Variants in CDC40 observed in about 807,000 individuals in gnomAD.
CDC40 encodes the protein cell division cycle 40.
A neutral mutation model predicts 80.6 loss-of-function variants in CDC40; 27 were observed. That is an observed-to-expected ratio of 0.33 (90% CI 0.25 to 0.46). The LOEUF (loss-of-function observed/expected upper bound fraction) is 0.46. Ranked by LOEUF, CDC40 falls within the 20% of genes least tolerant of loss-of-function variation. The probability of loss-of-function intolerance (pLI) is 1.00; values close to 1 mark genes in which losing one functional copy is unlikely to be tolerated. For synonymous variants in CDC40, 221 were observed against 232.6 expected, an observed-to-expected ratio of 0.95 and a Z score of 0.45; for missense variants, 486 against 694.1, an observed-to-expected ratio of 0.70 and a Z score of 3.37.
At chr6:110,188,145 A>G (rs1001044757) in intron 1 of CDC40, among the ~76,000 whole-genome samples, 7 of 152,340 alleles carry the variant, frequency 4.6e-5, no homozygotes, top group Middle Eastern at 3.4e-3. Flanking sequence ...TTGATGTGTC[A>G]TGATACTCTT....
At chr6:110,197,530 T>C (rs879757791) in intron 2 of CDC40, among the ~76,000 whole-genome samples, 9 of 152,112 alleles carry the variant, frequency 5.9e-5, no homozygotes, top group Admixed American at 1.3e-4. Context: ...TTGAACTTAT[T>C]CCTCCTAATT....
At chr6:110,182,880 A>C (rs1777217421) in intron 1 of CDC40, among the ~76,000 whole-genome samples, 1 of 152,158 alleles carries the variant, frequency 6.6e-6, no homozygotes. Context: ...GTGCACTTAG[A>C]ATGATCTTTG....
intron 14 of CDC40, 132 bp downstream of exon 14, chr6:110,229,108 T>C: frequency 2.4e-6 from 2 of 847,180 alleles, no homozygotes; most frequent in South Asian, 3.7e-5. Context: ...GTCAAAATTG[T>C]CAAAATGCTG....
At position 110,222,624 on chromosome 6, in the gene CDC40, TC is replaced by T. The variant is rs1260681947; in HGVS notation, c.1340+2757del. Reference sequence around the variant, plus strand: ...AGTTTAACCCTTACTATGAGAGCCTTCCTGACCAGCCCACAGATGAGATTAG... The same window carrying T: ...AGTTTAACCCTTACTATGAGAGCCTTCTGACCAGCCCACAGATGAGATTAG... On this transcript the variant is annotated intron_variant, in intron 12 of 14. Transcript: ENST00000307731. 2.0e-5 allele frequency among the ~76,000 whole-genome samples: 3 copies of T among 152,238 alleles called. No individual in the cohort carries two copies. In the South Asian group the frequency reaches 6.2e-4, roughly 32 times the overall value.
At chr6:110,226,005 A>T in intron 12 of CDC40, among the ~76,000 whole-genome samples, 162 bp from the exon 13 acceptor site, 1 of 152,230 alleles carries the variant, frequency 6.6e-6, no homozygotes, top group African/African-American at 2.4e-5. Context: ...GTACAGTGTC[A>T]TCTTGTGATT....
At chr6:110,221,909 C>A (rs75081861) in intron 12 of CDC40, among the ~76,000 whole-genome samples, 303 of 143,266 alleles carry the variant, frequency 2.1e-3, no homozygotes, top group African/African-American at 7.2e-3. Flanking sequence ...TTAGGAAATA[C>A]TCCTAAAAAG....
At chr6:110,181,086 T>C (rs1777181592) in intron 1 of CDC40, among the ~76,000 whole-genome samples, 1 of 152,244 alleles carries the variant, frequency 6.6e-6, no homozygotes, top group Non-Finnish European at 1.5e-5. Flanking sequence ...TCCTCACCTG[T>C]ACAGTGGAGA....
rs774530501 is a variant in CDC40, at chr6:110,228,983, T to G, written c.1562+7T>G. 2.8e-5 allele frequency: 45 copies of G among 1,594,804 alleles called. No homozygotes were observed. Among genetic ancestry groups the G allele is most frequent in the Non-Finnish European group, 3.8e-5 (45 of 1,171,944 alleles). ...ACTTTTCACCAGACATGAGGTAAGT[T>G]TAAATCTTCTAATCCATTCTCGTAT... On this transcript the variant is annotated splice_region_variant and intron_variant, in intron 14 of 14. Transcript: ENST00000307731.
At chr6:110,182,020 G>A (rs962103716) in intron 1 of CDC40, among the ~76,000 whole-genome samples, 12 of 152,072 alleles carry the variant, frequency 7.9e-5, no homozygotes, top group African/African-American at 2.9e-4. Flanking sequence ...TTCAACCTCA[G>A]GCTGTGCTGC....
In CDC40 at chr6:110,218,307, T is replaced by G. The variant is rs1219750266; in HGVS notation, c.1090+504T>G. ...ATTTTATGTAATTATAAAAATTATCTTACTATCTTATTGTCTTACTGTCAT... is the reference window on the plus strand; with the variant it reads ...ATTTTATGTAATTATAAAAATTATCGTACTATCTTATTGTCTTACTGTCAT... On this transcript the variant is annotated intron_variant, in intron 10 of 14. Transcript: ENST00000307731. 2.0e-5 allele frequency among the ~76,000 whole-genome samples: 3 copies of G among 152,240 alleles called. No homozygotes were observed. In the East Asian group the frequency reaches 5.8e-4, roughly 29 times the overall value.
chr6:110,200,054 G>A (rs1777475732), intron 2 of CDC40, among the ~76,000 whole-genome samples: 1 of 152,098 alleles, frequency 6.6e-6, no homozygotes, highest in Non-Finnish European at 1.5e-5. Flanking sequence ...TCACCCATCA[G>A]GAGGCACAGG....
At chr6:110,212,076 G>T in intron 6 of CDC40, 57 bp from the exon 7 acceptor site, 1 of 1,439,748 alleles carries the variant, frequency 6.9e-7, no homozygotes. Flanking sequence ...AAGAATGTTA[G>T]GTTTCATGAC....
In CDC40 at chr6:110,210,802, T is replaced by C; in HGVS notation, c.726T>C (p.His242=). 6.6e-7 allele frequency: 1 copy of C among 1,510,798 alleles called. No individual in the cohort carries two copies. The highest frequency in any genetic ancestry group is 8.9e-7 in the Non-Finnish European group (1 of 1,122,284). The allele number at this position is 1,510,798 out of a possible 1,614,324, so 93.6% of individuals were successfully genotyped here. ...CTGGGGAGGAGAAGACAATCTTACATGGTAACATATTTTTTGTACATCTTC... is the reference window on the plus strand; with the variant it reads ...CTGGGGAGGAGAAGACAATCTTACACGGTAACATATTTTTTGTACATCTTC... ...EKPGEEKTIL[H]VKEMYDYQGR... The change falls in exon 6 of 15, where the codon CAT becomes CAC. Residue 242 remains histidine, a splice_region_variant and synonymous_variant. Coordinates refer to ENST00000307731, the MANE Select transcript of CDC40 (RefSeq NM_015891.3).
intron 2 of CDC40, among the ~76,000 whole-genome samples, chr6:110,197,765 T>G (rs538849753): frequency 6.6e-6 from 1 of 152,292 alleles, no homozygotes; most frequent in Admixed American, 6.5e-5. Flanking sequence ...CAAGATTTCC[T>G]TCTTTTTCAA....
At chr6:110,220,388 C>CTTAA (rs1163377619) in intron 12 of CDC40, among the ~76,000 whole-genome samples, 2 of 150,126 alleles carry the variant, frequency 1.3e-5, no homozygotes, top group African/African-American at 4.9e-5. Flanking sequence ...GTTTAATGAA[C>CTTAA]TTAAGTTCCA....
chr6:110,184,595 C>T (rs1256268885), intron 1 of CDC40, among the ~76,000 whole-genome samples: 1 of 151,518 alleles, frequency 6.6e-6, no homozygotes, highest in Non-Finnish European at 1.5e-5. Context: ...AGTATTTTTT[C>T]TTTCTTTTAA....
chr6:110,191,748 G>A (rs145619431), intron 1 of CDC40, among the ~76,000 whole-genome samples: 1 of 152,302 alleles, frequency 6.6e-6, no homozygotes, highest in African/African-American at 2.4e-5. Context: ...CACAGGCATA[G>A]TGCTAGATGA....
At chr6:110,202,995 C>G (rs1562202776) in intron 3 of CDC40, among the ~76,000 whole-genome samples, 1 of 152,044 alleles carries the variant, frequency 6.6e-6, no homozygotes, top group South Asian at 2.1e-4. Flanking sequence ...AACGGAATGG[C>G]CAGTTACAAA....
Position 110,212,340 on chromosome 6 carries a change from G to A in CDC40, c.867+68G>A, listed in dbSNP as rs1777647677. 22 of 1,477,592 alleles carry A rather than the reference G, an allele frequency of 1.5e-5. No homozygotes were observed. The South Asian group carries it at 2.0e-4, about 13-fold the overall frequency. The allele number at this position is 1,477,592 out of a possible 1,614,324, so 91.5% of individuals were successfully genotyped here. Reference sequence around the variant, plus strand: ...ATGAAGCCAACGTAAAGTTTTAGCTGTTGATGTGGAACATTTAGTATTTCT... The same window carrying A: ...ATGAAGCCAACGTAAAGTTTTAGCTATTGATGTGGAACATTTAGTATTTCT... On this transcript the variant is annotated intron_variant, in intron 7 of 14. Transcript: ENST00000307731.
Sources: gnomAD v4.1 joint callset for allele counts (sites outside exome capture counted in the v4.1 genomes callset) on GRCh38, gnomAD v4.1.1 for gene constraint, MANE v1.5 for transcripts, NCBI Gene and HGNC (gene_info 2026-07-23, HGNC 2026-07-21) for gene names.